Variants in STK32B observed in about 807,000 individuals in gnomAD.
The protein encoded by STK32B is serine/threonine kinase 32B.
A neutral mutation model predicts 52.6 loss-of-function variants in STK32B; 43 were observed. The observed-to-expected ratio is 0.82, with a 90% CI of 0.64 to 1.05. STK32B has a LOEUF of 1.05. STK32B is among the 50% of genes least tolerant of loss of function. STK32B has a pLI of 0.00. For synonymous variants in STK32B, 238 were observed against 204.3 expected, an observed-to-expected ratio of 1.17 and a Z score of -1.41; for missense variants, 621 against 534.6, an observed-to-expected ratio of 1.16 and a Z score of -1.59.
intron 3 of STK32B, among the ~76,000 whole-genome samples, chr4:5,197,657 A>G (rs942825388): frequency 2.0e-5 from 3 of 152,262 alleles, no homozygotes; most frequent in Non-Finnish European, 1.5e-5. Context: ...ATAGTTGAAC[A>G]TAGTCTGCTT....
chr4:5,186,629 C>T (rs967411935), intron 3 of STK32B, among the ~76,000 whole-genome samples: 2 of 152,136 alleles, frequency 1.3e-5, no homozygotes, highest in African/African-American at 4.8e-5. Context: ...TAAGTGATAT[C>T]CTGGTCCATC....
intron 1 of STK32B, among the ~76,000 whole-genome samples, chr4:5,109,182 A>G (rs549371704): frequency 6.6e-6 from 1 of 152,318 alleles, no homozygotes; most frequent in African/African-American, 2.4e-5. Context: ...CTCAGGATAC[A>G]AGACCCAGAA....
At chr4:5,424,151 C>G (rs1252646445) in intron 6 of STK32B, among the ~76,000 whole-genome samples, 1 of 152,128 alleles carries the variant, frequency 6.6e-6, no homozygotes, top group Non-Finnish European at 1.5e-5. Context: ...ACTGACATGC[C>G]AGCCCCCTGC....
the STK32B span, among the ~76,000 whole-genome samples, chr4:5,032,164 T>G: frequency 1.4e-5 from 2 of 143,070 alleles, no homozygotes; most frequent in African/African-American, 2.6e-5. Context: ...ACTCCTGAGC[T>G]CCTAGAAAGA....
At chr4:5,169,998 C>T (rs572862368) in intron 3 of STK32B, among the ~76,000 whole-genome samples, 202 of 152,158 alleles carry the variant, frequency 1.3e-3, no homozygotes, top group African/African-American at 2.2e-3. Flanking sequence ...CTGGCGGGAG[C>T]GCTACCTCCT....
intron 3 of STK32B, among the ~76,000 whole-genome samples, chr4:5,327,316 T>C (rs1731947638): frequency 6.6e-6 from 1 of 150,516 alleles, no homozygotes; most frequent in Admixed American, 6.7e-5. Context: ...AATGACAATC[T>C]AGTATGGCGA....
At chr4:5,258,966 T>G (rs930505586) in intron 3 of STK32B, among the ~76,000 whole-genome samples, 1 of 152,194 alleles carries the variant, frequency 6.6e-6, no homozygotes, top group Non-Finnish European at 1.5e-5. Flanking sequence ...CTCACTTCTT[T>G]CCAGGCTTGT....
chr4:5,360,854 C>T (rs192413928), intron 4 of STK32B, among the ~76,000 whole-genome samples: 1 of 152,162 alleles, frequency 6.6e-6, no homozygotes, highest in East Asian at 1.9e-4. Flanking sequence ...TGGTAAAATA[C>T]ACATAACAGA....
intron 4 of STK32B, among the ~76,000 whole-genome samples, chr4:5,371,900 C>A (rs1409702120): frequency 2.0e-5 from 3 of 152,206 alleles, no homozygotes; most frequent in Admixed American, 6.5e-5. Context: ...AAGCTCATTT[C>A]CCAGGTGGTG....
intron 3 of STK32B, among the ~76,000 whole-genome samples, chr4:5,243,974 A>G (rs373723518): frequency 1.8e-4 from 28 of 152,164 alleles, no homozygotes; most frequent in African/African-American, 5.1e-4. Flanking sequence ...TGCTGGATTC[A>G]GTTTGCCAGT....
At chr4:5,313,970 A>T (rs578141068) in intron 3 of STK32B, among the ~76,000 whole-genome samples, 4 of 152,226 alleles carry the variant, frequency 2.6e-5, no homozygotes, top group Non-Finnish European at 5.9e-5. Flanking sequence ...CATCCTGTTC[A>T]TAGATGCAAC....
At chr4:5,441,301 C>T (rs1232721311) in intron 6 of STK32B, among the ~76,000 whole-genome samples, 5 of 151,742 alleles carry the variant, frequency 3.3e-5, no homozygotes, top group Admixed American at 2.6e-4. Context: ...TTGGTCTATT[C>T]AGAGATTCAA....
chr4:5,290,922 T>C (rs1031710277), intron 3 of STK32B, among the ~76,000 whole-genome samples: 1 of 152,148 alleles, frequency 6.6e-6, no homozygotes, highest in Non-Finnish European at 1.5e-5. Context: ...AGGCAAGAGA[T>C]ACATAATAAC....
intron 1 of STK32B, among the ~76,000 whole-genome samples, chr4:5,113,243 A>G (rs1166312983): frequency 6.6e-6 from 1 of 152,142 alleles, no homozygotes; most frequent in Non-Finnish European, 1.5e-5. Context: ...TCACCATGTG[A>G]GGACACAGCA....
At chr4:5,370,431 G>C (rs957494178) in intron 4 of STK32B, among the ~76,000 whole-genome samples, 2 of 152,210 alleles carry the variant, frequency 1.3e-5, no homozygotes, top group Non-Finnish European at 2.9e-5. Context: ...AAAGATGGTT[G>C]TGAAGAGAGT....
At chr4:5,155,209 A>C (rs984999680) in intron 2 of STK32B, among the ~76,000 whole-genome samples, 1 of 152,146 alleles carries the variant, frequency 6.6e-6, no homozygotes, top group Non-Finnish European at 1.5e-5. Flanking sequence ...GCGCCTTCCC[A>C]GAATGCCCAC....
At chr4:5,345,422 C>G (rs1202816688) in intron 4 of STK32B, 1 of 151,472 alleles carries the variant, frequency 6.6e-6, no homozygotes, top group Non-Finnish European at 1.5e-5. Flanking sequence ...TGTTAACTCA[C>G]TAAAAGGCAA....
intron 4 of STK32B, among the ~76,000 whole-genome samples, chr4:5,363,879 G>A (rs1236538030): frequency 6.6e-6 from 1 of 151,928 alleles, no homozygotes; most frequent in African/African-American, 2.4e-5. Flanking sequence ...TAGTTACCGA[G>A]AAGGAAAACT....
At chr4:5,305,225 CTCTT>C (rs1242794709) in intron 3 of STK32B, among the ~76,000 whole-genome samples, 1 of 151,930 alleles carries the variant, frequency 6.6e-6, no homozygotes, top group Non-Finnish European at 1.5e-5. Flanking sequence ...GGAAGATTGC[CTCTT>C]TCTTTATCTT....
Sources: allele counts gnomAD v4.1 joint callset (sites outside exome capture counted in the v4.1 genomes callset), GRCh38; gene constraint gnomAD v4.1.1; transcripts MANE v1.5; gene names NCBI Gene and HGNC (gene_info 2026-07-23, HGNC 2026-07-21).